The following PPIP5K2 variants were observed in gnomAD, a reference collection of about 807,000 sequenced individuals.
PPIP5K2 encodes the protein inositol hexakisphosphate and diphosphoinositol-pentakisphosphate kinase 2.
Under a neutral mutation model 154.6 loss-of-function variants are expected in PPIP5K2, and 105 were observed. The ratio of observed to expected loss-of-function variants is 0.68; its 90% CI spans 0.58 to 0.80. The LOEUF is 0.80. PPIP5K2 is among the 30% of genes least tolerant of loss of function. The pLI, the probability that PPIP5K2 is intolerant of heterozygous loss-of-function variation, is 0.00. For missense variants in PPIP5K2, 992 were observed against 1,504.6 expected (o/e 0.66, Z 5.64); for synonymous variants, 480 against 490.3 (o/e 0.98, Z 0.28).
chr5:103,144,798 C>T (rs556204131), intron 5 of PPIP5K2, among the ~76,000 whole-genome samples: 1 of 152,164 alleles, frequency 6.6e-6, no homozygotes, highest in East Asian at 1.9e-4. Flanking sequence ...AGACCTGAAG[C>T]TATGCAACTA....
In PPIP5K2 at chr5:103,211,521, T is replaced by G. The variant is rs1803806640; in HGVS notation, c.*9887T>G. 6.6e-6 allele frequency: 1 copy of G among 152,048 alleles called. No homozygotes were observed. The highest frequency in any genetic ancestry group is 1.5e-5 in the Non-Finnish European group (1 of 67,962). 9.4% of individuals were successfully genotyped at this position (152,048 alleles called of 1,614,324 possible). Reference sequence around the variant, plus strand: ...GTGTTTGTAATGTTAGCCTTGGAGATTCTACCTTAAAAATATCATTGAGAA... The same window carrying G: ...GTGTTTGTAATGTTAGCCTTGGAGAGTCTACCTTAAAAATATCATTGAGAA... On this transcript the variant is annotated 3_prime_UTR_variant, in exon 31 of 31. Transcript: ENST00000358359.
chr5:103,161,151 T>C (rs1258107290), intron 17 of PPIP5K2, among the ~76,000 whole-genome samples: 1 of 118,764 alleles, frequency 8.4e-6, no homozygotes, highest in African/African-American at 3.2e-5. Context: ...GATGTTCCCC[T>C]TCCTGTGTCC....
chr5:103,184,799 C>A, intron 26 of PPIP5K2, 55 bp downstream of exon 26: 1 of 1,387,406 alleles, frequency 7.2e-7, no homozygotes, highest in Non-Finnish European at 1.0e-6. Context: ...CACTATTGTG[C>A]ACACATGTAA....
At chr5:103,181,310 G>A (rs951356376) in intron 24 of PPIP5K2, among the ~76,000 whole-genome samples, 3 of 151,958 alleles carry the variant, frequency 2.0e-5, no homozygotes, top group Non-Finnish European at 4.4e-5. Flanking sequence ...GCTCATGCCT[G>A]TAAACCTGGC....
At chr5:103,160,558 A>G (rs1003983020) in intron 17 of PPIP5K2, among the ~76,000 whole-genome samples, 12 of 152,210 alleles carry the variant, frequency 7.9e-5, no homozygotes, top group Admixed American at 2.6e-4. Context: ...AAGGCCAGAT[A>G]GTAAATATTT....
intron 3 of PPIP5K2, among the ~76,000 whole-genome samples, chr5:103,134,731 T>C (rs1228457166): frequency 1.3e-5 from 2 of 152,192 alleles, no homozygotes; most frequent in Non-Finnish European, 2.9e-5. Context: ...GGAAAAAGTT[T>C]CTCTTTAACA....
intron 30 of PPIP5K2, among the ~76,000 whole-genome samples, chr5:103,196,973 T>C (rs563197413): frequency 3.3e-5 from 5 of 152,132 alleles, no homozygotes; most frequent in African/African-American, 1.2e-4. Flanking sequence ...TAGAGTAATA[T>C]CTTGGAAGTC....
chr5:103,180,228 C>T (rs782564452), intron 24 of PPIP5K2, 40 bp downstream of exon 24: 2 of 1,439,846 alleles, frequency 1.4e-6, no homozygotes, highest in African/African-American at 1.5e-5. Flanking sequence ...ATACAGTAAA[C>T]TAACTATATT....
At chr5:103,169,789 T>C (rs1393305609) in intron 19 of PPIP5K2, among the ~76,000 whole-genome samples, 2 of 151,736 alleles carry the variant, frequency 1.3e-5, no homozygotes, top group Non-Finnish European at 3.0e-5. Context: ...AGTTTTATTC[T>C]GTAAAAGACA....
At position 103,206,909 on chromosome 5, in the gene PPIP5K2, G is replaced by A. The variant is rs991538130; in HGVS notation, c.*5275G>A. The A allele has an allele frequency of 1.3e-5, 2 of 152,286 alleles. No homozygotes were observed. Among genetic ancestry groups the A allele is most frequent in the South Asian group, 2.1e-4 (1 of 4,824 alleles). The allele number at this position is 152,286 out of a possible 1,614,324, so 9.4% of individuals were successfully genotyped here. On this transcript the variant is annotated 3_prime_UTR_variant, in exon 31 of 31. Coordinates refer to ENST00000358359, the MANE Select transcript of PPIP5K2 (RefSeq NM_001276277.3). ...GACTGCGGACAGGGAGCAGGGAAGGGTTAGAAGTAGAAAACAACTGAGTCA... is the reference window on the plus strand; with the variant it reads ...GACTGCGGACAGGGAGCAGGGAAGGATTAGAAGTAGAAAACAACTGAGTCA...
chr5:103,151,882 C>T (rs1794696647), intron 9 of PPIP5K2, among the ~76,000 whole-genome samples: 1 of 151,926 alleles, frequency 6.6e-6, no homozygotes, highest in Admixed American at 6.6e-5. Context: ...TTTTTATATT[C>T]TTCAACCTGT....
Position 103,167,253 on chromosome 5 carries a change from A to C in PPIP5K2, c.1995A>C (p.Lys665Asn), listed in dbSNP as rs1463204900. ...LIKNPVKTCD[K>N]VYSLIQSLTS... ...AAAACCCTGTGAAGACCTGTGATAA[A>C]GTTTATTCCTTAATTCAGAGTTTGA... The change falls in exon 18 of 31, where the codon AAA becomes AAC. Residue 665 changes from lysine (K) to asparagine (N), a missense_variant. Physicochemically the swap from Lys to Asn is moderately conservative, Grantham distance 94 (BLOSUM62 0). Transcript: ENST00000358359. 5.0e-6 allele frequency: 8 copies of C among 1,599,116 alleles called. No homozygotes were observed. Among genetic ancestry groups the C allele is most frequent in the Non-Finnish European group, 6.8e-6 (8 of 1,172,410 alleles).
intron 17 of PPIP5K2, among the ~76,000 whole-genome samples, chr5:103,164,699 A>G (rs1796872048): frequency 6.6e-6 from 1 of 151,980 alleles, no homozygotes; most frequent in Non-Finnish European, 1.5e-5. Context: ...CTTTGCCCAG[A>G]ATTTTTACTT....
chr5:103,210,902 T>A lies in PPIP5K2; in HGVS notation c.*9268T>A, dbSNP rs1803771090. On this transcript the variant is annotated 3_prime_UTR_variant, in exon 31 of 31. Transcript: ENST00000358359. ...AACTATTTTTTTGTGTTAGCCTAAATAAAATGAAATACAGTTATGGAAATA... is the reference window on the plus strand; with the variant it reads ...AACTATTTTTTTGTGTTAGCCTAAAAAAAATGAAATACAGTTATGGAAATA... 6.6e-6 allele frequency: 1 copy of A among 152,126 alleles called. No homozygotes were observed. Among genetic ancestry groups the A allele is most frequent in the Non-Finnish European group, 1.5e-5 (1 of 67,982 alleles). 9.4% of individuals were successfully genotyped at this position (152,126 alleles called of 1,614,324 possible).
chr5:103,158,316 A>G lies in PPIP5K2; in HGVS notation c.1615+3A>G. The G allele has an allele frequency of 6.2e-7, 1 of 1,609,336 alleles. No individual in the cohort carries two copies. Among genetic ancestry groups the G allele is most frequent in the Non-Finnish European group, 8.5e-7 (1 of 1,178,778 alleles). On this transcript the variant is annotated splice_donor_region_variant and intron_variant, in intron 15 of 30. Coordinates refer to ENST00000358359, the MANE Select transcript of PPIP5K2 (RefSeq NM_001276277.3). ...GTGTATGTATCCTGGAGGTCAAGGTAAATCTTAGAGTTTTCTTTAATTTGA... is the reference window on the plus strand; with the variant it reads ...GTGTATGTATCCTGGAGGTCAAGGTGAATCTTAGAGTTTTCTTTAATTTGA...
chr5:103,133,323 T>C (rs1397686190), intron 2 of PPIP5K2, 130 bp from the exon 3 acceptor site: 1 of 581,380 alleles, frequency 1.7e-6, no homozygotes, highest in Non-Finnish European at 2.8e-6. Flanking sequence ...TAAAAATTCC[T>C]TTGTTTGTTA....
chr5:103,183,129 T>G, intron 24 of PPIP5K2, 105 bp from the exon 25 acceptor site: 1 of 1,014,972 alleles, frequency 9.9e-7, no homozygotes, highest in Non-Finnish European at 1.3e-6. Context: ...GTATTTTTTT[T>G]TCTTTCTGAT....
chr5:103,174,031 T>C (rs1798355620), intron 21 of PPIP5K2, 59 bp downstream of exon 21: 1 of 1,263,084 alleles, frequency 7.9e-7, no homozygotes, highest in African/African-American at 1.5e-5. Flanking sequence ...ATTAAATCAC[T>C]AACTGCTATT....
rs1315712897 is a variant in PPIP5K2, at chr5:103,202,453, AAAG to A, written c.*823_*825del. Reference sequence around the variant, plus strand: ...TACTTTCAGAGTTCTTTTTAGATCTAAAGAAGTCAGTTCAAAAATGGAAATCAA... The same window carrying A: ...TACTTTCAGAGTTCTTTTTAGATCTAAAGTCAGTTCAAAAATGGAAATCAA... On this transcript the variant is annotated 3_prime_UTR_variant, in exon 31 of 31. Coordinates refer to ENST00000358359, the MANE Select transcript of PPIP5K2 (RefSeq NM_001276277.3). The A allele has an allele frequency of 4.6e-5, 7 of 152,170 alleles. No homozygotes were observed. Among genetic ancestry groups the A allele is most frequent in the Non-Finnish European group, 1.0e-4 (7 of 68,018 alleles). 9.4% of individuals were successfully genotyped at this position (152,170 alleles called of 1,614,324 possible).
Sources: allele counts gnomAD v4.1 joint callset (sites outside exome capture counted in the v4.1 genomes callset), GRCh38; gene constraint gnomAD v4.1.1; transcripts MANE v1.5; gene names NCBI Gene and HGNC (gene_info 2026-07-23, HGNC 2026-07-21).